The following CATSPERE variants were observed in gnomAD, a reference collection of about 807,000 sequenced individuals.
The protein encoded by CATSPERE is cation channel sperm-associated auxiliary subunit epsilon.
A neutral mutation model predicts 114.1 loss-of-function variants in CATSPERE; 93 were observed. The observed-to-expected ratio is 0.81, with a 90% CI of 0.69 to 0.97. The LOEUF is 0.97. Ranked by LOEUF, CATSPERE falls within the 50% of genes least tolerant of loss-of-function variation. The pLI is 0.00. For missense variants in CATSPERE, 1,058 were observed against 1,131.6 expected, an observed-to-expected ratio of 0.93 and a Z score of 0.93; for synonymous variants, 341 against 384.1, an observed-to-expected ratio of 0.89 and a Z score of 1.31.
chr1:244,556,263 T>C (rs1444415037), intron 9 of CATSPERE, among the ~76,000 whole-genome samples: 7 of 151,662 alleles, frequency 4.6e-5, no homozygotes, highest in Non-Finnish European at 1.0e-4. Flanking sequence ...ACTAAAAAAA[T>C]TTATACAAGA....
chr1:244,470,382 T>C (rs535795653), intron 2 of CATSPERE, among the ~76,000 whole-genome samples: 3 of 152,308 alleles, frequency 2.0e-5, no homozygotes, highest in East Asian at 3.9e-4. Flanking sequence ...AGGATCTGAA[T>C]TGTCATTTCT....
chr1:244,542,794 T>C (rs1046907122), intron 8 of CATSPERE, among the ~76,000 whole-genome samples: 3 of 152,142 alleles, frequency 2.0e-5, no homozygotes, highest in Admixed American at 2.0e-4. Context: ...TCACCTAGCC[T>C]TAGATCCCAG....
chr1:244,508,544 G>A (rs983599462), intron 7 of CATSPERE, among the ~76,000 whole-genome samples: 20 of 151,514 alleles, frequency 1.3e-4, no homozygotes, highest in South Asian at 4.2e-4. Context: ...CTTGTGATCC[G>A]CCCACCTTGG....
intron 17 of CATSPERE, among the ~76,000 whole-genome samples, chr1:244,599,806 A>C (rs1435445266): frequency 6.6e-6 from 1 of 152,332 alleles, no homozygotes; most frequent in Non-Finnish European, 1.5e-5. Flanking sequence ...TGGTGAGAAG[A>C]GAAGCCAGAC....
chr1:244,491,500 C>A (rs1352337144), intron 6 of CATSPERE, among the ~76,000 whole-genome samples: 2 of 151,740 alleles, frequency 1.3e-5, no homozygotes, highest in Non-Finnish European at 2.9e-5. Flanking sequence ...CAGGAAAGAT[C>A]CAAAATCGAC....
At chr1:244,584,050 A>T (rs759882214) in intron 13 of CATSPERE, 111 bp downstream of exon 13, 2 of 729,780 alleles carry the variant, frequency 2.7e-6, no homozygotes, top group South Asian at 3.5e-5. Flanking sequence ...ATACCTCCAT[A>T]CAATACCTCC....
intron 18 of CATSPERE, among the ~76,000 whole-genome samples, chr1:244,608,964 G>A (rs1670358720): frequency 6.6e-6 from 1 of 151,988 alleles, no homozygotes. Context: ...TGAGGCAGGT[G>A]ATCACTTGAG....
chr1:244,615,082 C>T (rs1671206060), intron 19 of CATSPERE, among the ~76,000 whole-genome samples: 1 of 151,628 alleles, frequency 6.6e-6, no homozygotes, highest in Non-Finnish European at 1.5e-5. Context: ...TAGAGCTGCC[C>T]CGCCACCACC....
intron 7 of CATSPERE, among the ~76,000 whole-genome samples, chr1:244,505,031 T>G (rs2148301379): frequency 6.6e-6 from 1 of 152,342 alleles, no homozygotes. Context: ...TGTGGACTCA[T>G]GAATATTTAT....
intron 19 of CATSPERE, among the ~76,000 whole-genome samples, chr1:244,613,761 A>T (rs1043439007): frequency 6.6e-6 from 1 of 152,218 alleles, no homozygotes; most frequent in African/African-American, 2.4e-5. Context: ...CAGTTCTGGT[A>T]GTATGTTTTG....
chr1:244,453,525 G>A (rs1413903483), upstream of CATSPERE, among the ~76,000 whole-genome samples: 1 of 152,206 alleles, frequency 6.6e-6, no homozygotes, highest in East Asian at 1.9e-4. Flanking sequence ...GTCTGGCATT[G>A]CCTTTGTGGC....
chr1:244,556,520 C>T (rs1661601500), intron 9 of CATSPERE, among the ~76,000 whole-genome samples: 1 of 151,364 alleles, frequency 6.6e-6, no homozygotes, highest in Non-Finnish European at 1.5e-5. Context: ...ATTTAGAAGC[C>T]CACTTTAAAT....
chr1:244,481,521 C>T (rs530235223), intron 5 of CATSPERE, among the ~76,000 whole-genome samples: 8 of 152,136 alleles, frequency 5.3e-5, no homozygotes, highest in African/African-American at 1.9e-4. Context: ...AGGACCTGCC[C>T]CTTTGGCCAA....
intron 14 of CATSPERE, 72 bp downstream of exon 14, chr1:244,588,606 C>A: frequency 3.5e-6 from 4 of 1,150,732 alleles, no homozygotes; most frequent in Non-Finnish European, 5.3e-6. Flanking sequence ...GTGATAACTG[C>A]TAGTGATAAT....
rs187171300 is a variant in CATSPERE at position 244,519,014 on chromosome 1, G to A, written c.536+316G>A. Among the ~76,000 whole-genome samples the A allele has an allele frequency of 2.4e-3, 367 of 151,648 alleles. 3 individuals carry two copies. Among genetic ancestry groups the A allele is most frequent in the African/African-American group, 1.9e-3 (79 of 41,248 alleles). ...TCAACCACGGTGGTGTCCAGTGCCC[G>A]TACACACACATACACACACACACAC... On this transcript the variant is annotated intron_variant, in intron 8 of 21. Transcript: ENST00000366534.
chr1:244,508,095 A>G (rs1675091286), intron 7 of CATSPERE, among the ~76,000 whole-genome samples: 1 of 152,006 alleles, frequency 6.6e-6, no homozygotes, highest in African/African-American at 2.4e-5. Flanking sequence ...TTGGTCTGAT[A>G]CTGCAATATG....
intron 17 of CATSPERE, among the ~76,000 whole-genome samples, chr1:244,600,834 T>C (rs568371056): frequency 1.3e-5 from 2 of 149,886 alleles, no homozygotes; most frequent in South Asian, 2.1e-4. Context: ...TCCAGAGATA[T>C]AGGATCCTCA....
chr1:244,593,265 T>C (rs575899211), intron 15 of CATSPERE, 130 bp from the exon 16 acceptor site: 1 of 835,674 alleles, frequency 1.2e-6, no homozygotes, highest in South Asian at 1.7e-5. Context: ...ATGTAGAAAG[T>C]GCCTCAGTAT....
intron 11 of CATSPERE, among the ~76,000 whole-genome samples, chr1:244,578,845 C>T (rs376052110): frequency 1.1e-3 from 63 of 55,084 alleles, no homozygotes; most frequent in South Asian, 3.6e-3. Context: ...TATATATATA[C>T]ACACACACAC....
Sources: allele counts gnomAD v4.1 joint callset (sites outside exome capture counted in the v4.1 genomes callset), GRCh38; gene constraint gnomAD v4.1.1; transcripts MANE v1.5; gene names NCBI Gene and HGNC (gene_info 2026-07-23, HGNC 2026-07-21).